Variants in DIAPH2 observed in about 807,000 individuals in gnomAD.
The protein encoded by DIAPH2 is diaphanous related formin 2.
DIAPH2 carries 35 observed loss-of-function variants against 92.7 expected under a neutral mutation model. The ratio of observed to expected loss-of-function variants is 0.38; its 90% CI spans 0.29 to 0.50. DIAPH2 has a LOEUF of 0.50. DIAPH2 is among the 20% of genes least tolerant of loss of function. The pLI is 0.94. For synonymous variants in DIAPH2, 301 were observed against 280.4 expected (o/e 1.07, Z -0.73); for missense variants, 701 against 819.5 (o/e 0.86, Z 1.77).
Position 96,685,200 on chromosome X carries a change from C to T in DIAPH2, c.132+10C>T. The T allele has an allele frequency of 1.0e-6, 1 of 990,952 alleles. No individual in the cohort carries two copies. Among genetic ancestry groups the T allele is most frequent in the African/African-American group, 2.0e-5 (1 of 50,874 alleles). The allele number at this position is 990,952 out of a possible 1,213,427, so 81.7% of individuals were successfully genotyped here. ...AAACAAACCCAAATTGGTGAGTGCT[C>T]CCGCAGCCCCCGCCGGCCTTAGGGA... On this transcript the variant is annotated intron_variant, in intron 1 of 26. Transcript: ENST00000324765.
chrX:97,586,380 T>G (rs995267105), intron 26 of DIAPH2, among the ~76,000 whole-genome samples: 3 of 111,704 alleles, frequency 2.7e-5, no homozygotes, highest in Non-Finnish European at 5.6e-5. Context: ...GATCTTGGAC[T>G]CCTTTTCTTT....
At chrX:97,409,406 C>G (rs774857297) in intron 25 of DIAPH2, among the ~76,000 whole-genome samples, 14 of 111,297 alleles carry the variant, frequency 1.3e-4, no homozygotes, top group African/African-American at 3.9e-4. Context: ...GATTCCATTC[C>G]AAGATGGCCA....
chrX:97,301,703 T>G (rs2068707151), intron 23 of DIAPH2, among the ~76,000 whole-genome samples: 1 of 111,861 alleles, frequency 8.9e-6, no homozygotes, highest in Admixed American at 9.5e-5. Context: ...TCATTACCTA[T>G]AGCTGATACG....
chrX:97,011,478 T>C (rs755954881), intron 17 of DIAPH2, among the ~76,000 whole-genome samples: 7 of 112,072 alleles, frequency 6.2e-5, no homozygotes, highest in Non-Finnish European at 1.3e-4. Context: ...TACTGTAGTG[T>C]GGTAAGTATT....
intron 4 of DIAPH2, among the ~76,000 whole-genome samples, chrX:96,773,541 C>G (rs1297614083): frequency 9.0e-6 from 1 of 111,351 alleles, no homozygotes; most frequent in Non-Finnish European, 1.9e-5. Context: ...TGGTCTTGGA[C>G]TTTTAATGTC....
chrX:97,559,984 A>G (rs1266861708), intron 26 of DIAPH2, among the ~76,000 whole-genome samples: 2 of 111,698 alleles, frequency 1.8e-5, no homozygotes, highest in Non-Finnish European at 3.8e-5. Context: ...TGCTGTTAAG[A>G]AGGGTTGGGA....
intron 1 of DIAPH2, among the ~76,000 whole-genome samples, chrX:96,715,442 C>T (rs997927890): frequency 9.0e-6 from 1 of 111,413 alleles, no homozygotes; most frequent in East Asian, 2.8e-4. Context: ...TATGAATATG[C>T]AAGCTATTAA....
chrX:97,296,243 G>T (rs1467466423), intron 23 of DIAPH2, among the ~76,000 whole-genome samples: 1 of 111,141 alleles, frequency 9.0e-6, no homozygotes, highest in East Asian at 2.8e-4. Flanking sequence ...TTAGCCTAGA[G>T]AAAAATGGAG....
intron 26 of DIAPH2, among the ~76,000 whole-genome samples, chrX:97,524,562 T>C (rs963156881): frequency 1.9e-4 from 21 of 112,288 alleles, no homozygotes; most frequent in African/African-American, 6.8e-4. Context: ...AATAGAGGCA[T>C]AGATAAGATA....
intron 25 of DIAPH2, among the ~76,000 whole-genome samples, chrX:97,407,224 G>A (rs1424880696): frequency 9.0e-6 from 1 of 111,456 alleles, no homozygotes; most frequent in East Asian, 2.8e-4. Flanking sequence ...ATTAACTATT[G>A]TTTGAAGAAC....
chrX:96,813,348 CT>C (rs1039795546), intron 4 of DIAPH2, among the ~76,000 whole-genome samples: 73 of 101,592 alleles, frequency 7.2e-4, no homozygotes, highest in African/African-American at 9.2e-4. Context: ...TGCAACTCCT[CT>C]TTTTTTTTTT....
At chrX:97,290,920 A>T (rs2068584416) in intron 23 of DIAPH2, among the ~76,000 whole-genome samples, 1 of 109,187 alleles carries the variant, frequency 9.2e-6, no homozygotes, top group Admixed American at 9.9e-5. Flanking sequence ...ACTAAAATAC[A>T]AAAAAAGAAA....
chrX:97,212,596 T>TG (rs1402659367), intron 22 of DIAPH2, among the ~76,000 whole-genome samples: 7 of 106,692 alleles, frequency 6.6e-5, no homozygotes, highest in African/African-American at 2.4e-4. Flanking sequence ...TTTTGTTTTT[T>TG]TTTTTTTTTT....
At chrX:97,191,825 C>G (rs1003870384) in intron 22 of DIAPH2, among the ~76,000 whole-genome samples, 32 of 111,103 alleles carry the variant, frequency 2.9e-4, no homozygotes, top group African/African-American at 1.0e-3. Flanking sequence ...GCAGCATGAG[C>G]TTTGCTGCCC....
chrX:97,103,021 G>A (rs1405703340), intron 20 of DIAPH2, among the ~76,000 whole-genome samples: 2 of 111,901 alleles, frequency 1.8e-5, no homozygotes, highest in Non-Finnish European at 3.8e-5. Context: ...AGTAGTCACA[G>A]AATTCAAATG....
chrX:96,848,524 C>G (rs1204390963), intron 4 of DIAPH2, among the ~76,000 whole-genome samples: 1 of 112,160 alleles, frequency 8.9e-6, no homozygotes, highest in Non-Finnish European at 1.9e-5. Flanking sequence ...GCTATTTGAC[C>G]TGGAACTATA....
chrX:97,310,136 T>C (rs1013216532), intron 23 of DIAPH2, among the ~76,000 whole-genome samples: 6 of 112,258 alleles, frequency 5.3e-5, no homozygotes, highest in Non-Finnish European at 9.4e-5. Flanking sequence ...CGACAAAATT[T>C]CCACCAAAGA....
chrX:97,279,688 C>G (rs1373778326), intron 23 of DIAPH2, among the ~76,000 whole-genome samples: 2 of 111,613 alleles, frequency 1.8e-5, no homozygotes, highest in Non-Finnish European at 3.8e-5. Context: ...TAAAACTTTT[C>G]ACCACTGATG....
In DIAPH2 at chrX:96,859,361, A is replaced by T. The variant is rs187237341; in HGVS notation, c.448-22218A>T. On this transcript the variant is annotated intron_variant, in intron 4 of 26. Transcript: ENST00000324765. ...TTTCTCTTGTAAATTTATACATCTA[A>T]CATAATTATAAATAAAAACAGGAAT... Among the ~76,000 whole-genome samples the T allele has an allele frequency of 1.9e-3, 214 of 110,448 alleles. 2 individuals are homozygous for T. The highest frequency in any genetic ancestry group is 3.4e-3 in the Non-Finnish European group (179 of 52,928).
Sources: allele counts gnomAD v4.1 joint callset (sites outside exome capture counted in the v4.1 genomes callset), GRCh38; gene constraint gnomAD v4.1.1; transcripts MANE v1.5; gene names NCBI Gene and HGNC (gene_info 2026-07-23, HGNC 2026-07-21).